MROH1: variants seen among roughly 807,000 people sequenced by gnomAD.
MROH1 encodes maestro heat-like repeat-containing protein family member 1.
A neutral mutation model predicts 116.5 loss-of-function variants in MROH1; 117 were observed. The ratio of observed to expected loss-of-function variants is 1.00; its 90% CI spans 0.86 to 1.17. MROH1 has a LOEUF of 1.17. Among genes scored for constraint, MROH1 ranks in the 50% most tolerant of loss-of-function variants. MROH1 has a pLI of 0.00. For missense variants in MROH1, 1,873 were observed against 1,338.5 expected, an observed-to-expected ratio of 1.40 and a Z score of -6.23; for synonymous variants, 921 against 583.9, an observed-to-expected ratio of 1.58 and a Z score of -8.32.
At chr8:144,184,908 G>T (rs1431660447) in intron 7 of MROH1, among the ~76,000 whole-genome samples, 2 of 152,232 alleles carry the variant, frequency 1.3e-5, no homozygotes, top group Non-Finnish European at 2.9e-5. Flanking sequence ...AGGGCAGAAG[G>T]ACGCTATGGG....
chr8:144,165,125 A>AT (rs367590354), intron 3 of MROH1, among the ~76,000 whole-genome samples: 58,569 of 145,710 alleles, frequency 0.4, 12,182 homozygotes, highest in South Asian at 0.55. Flanking sequence ...CACCCAGCTA[A>AT]TTTTTTTTTT....
chr8:144,231,566 GAC>G (rs1554822903), intron 14 of MROH1, among the ~76,000 whole-genome samples: 1 of 152,184 alleles, frequency 6.6e-6, no homozygotes, highest in African/African-American at 2.4e-5. Flanking sequence ...AGTGGGTCAG[GAC>G]ACCCAACATT....
intron 11 of MROH1, among the ~76,000 whole-genome samples, chr8:144,200,049 T>C (rs921288327): frequency 6.6e-6 from 1 of 152,168 alleles, no homozygotes; most frequent in Non-Finnish European, 1.5e-5. Flanking sequence ...TGGGGGTCTG[T>C]GTGCTTGACA....
chr8:144,148,580 C>G (rs930888721), intron 1 of MROH1: 2 of 152,706 alleles, frequency 1.3e-5, no homozygotes, highest in African/African-American at 4.8e-5. Context: ...CCCCGGGCCT[C>G]CGTATGCCTT....
chr8:144,176,994 C>T (rs1824155826), intron 4 of MROH1, among the ~76,000 whole-genome samples: 1 of 152,158 alleles, frequency 6.6e-6, no homozygotes, highest in East Asian at 1.9e-4. Context: ...GGCGCCAACA[C>T]TCACGGATGG....
rs1168480552 is a variant in MROH1 at position 144,260,707 on chromosome 8, C to G, written c.4411C>G (p.Arg1471Gly). ...EKMEFRTASIRLFGHLNKVCH... is the reference protein window; with the variant it reads ...EKMEFRTASIGLFGHLNKVCH... ...GATGGAGTTCCGGACGGCATCTATC[C>G]GCCTCTTTGGGCACCTTAACAAGGT... Residue 1471 changes from arginine (R) to glycine (G), a missense_variant, in exon 40 of 44, where the codon CGC becomes GGC. Physicochemically the swap from Arg to Gly is moderately radical, Grantham distance 125. Transcript: ENST00000326134. 1.3e-6 allele frequency: 1 copy of G among 779,592 alleles called. No homozygotes were observed. Among genetic ancestry groups the G allele is most frequent in the Admixed American group, 1.7e-5 (1 of 59,042 alleles). The allele number at this position is 779,592 out of a possible 1,614,324, so 48.3% of individuals were successfully genotyped here.
intron 27 of MROH1, 28 bp from the exon 28 acceptor site, chr8:144,244,416 G>A: frequency 1.4e-6 from 1 of 735,196 alleles, no homozygotes; most frequent in Non-Finnish European, 2.5e-6. Context: ...GTCACTGGTG[G>A]GGCTGGACGG....
intron 12 of MROH1, among the ~76,000 whole-genome samples, chr8:144,216,968 G>A (rs533336445): frequency 4.6e-4 from 70 of 152,288 alleles, no homozygotes; most frequent in African/African-American, 1.7e-3. Context: ...GATTACAGAT[G>A]TGAGCCATCG....
At chr8:144,254,758 G>A in intron 33 of MROH1, 55 bp from the exon 34 acceptor site, 2 of 730,494 alleles carry the variant, frequency 2.7e-6, no homozygotes, top group East Asian at 5.0e-5. Flanking sequence ...AGGTGGCGGG[G>A]GGCAGGCGCC....
intron 12 of MROH1, among the ~76,000 whole-genome samples, chr8:144,201,516 G>T (rs1267929827): frequency 2.0e-5 from 3 of 152,208 alleles, no homozygotes; most frequent in African/African-American, 7.2e-5. Context: ...GAGCTAGGGA[G>T]GTTGTTACAT....
intron 4 of MROH1, chr8:144,175,568 G>A (rs1052823441): frequency 2.3e-5 from 23 of 985,056 alleles, no homozygotes; most frequent in Non-Finnish European, 1.6e-5. Flanking sequence ...GTCCCAGGTG[G>A]GGATGGGCTT....
chr8:144,216,517 T>G (rs1835301247), intron 12 of MROH1, among the ~76,000 whole-genome samples: 1 of 151,964 alleles, frequency 6.6e-6, no homozygotes, highest in Non-Finnish European at 1.5e-5. Flanking sequence ...GTCTTTGCCA[T>G]CAGTACTCAA....
intron 35 of MROH1, among the ~76,000 whole-genome samples, chr8:144,256,505 G>GC (rs1299130414): frequency 1.6e-4 from 25 of 152,142 alleles, no homozygotes; most frequent in Non-Finnish European, 3.5e-4. Flanking sequence ...AGCTCGTAAA[G>GC]CCCAGTGGGG....
At chr8:144,258,191 G>C (rs1844270004) in intron 35 of MROH1, among the ~76,000 whole-genome samples, 1 of 152,206 alleles carries the variant, frequency 6.6e-6, no homozygotes, top group South Asian at 2.1e-4. Flanking sequence ...GCCTGGTGGA[G>C]GTCTGGGGAG....
intron 3 of MROH1, among the ~76,000 whole-genome samples, chr8:144,166,370 C>T (rs762779275): frequency 1.3e-5 from 2 of 152,168 alleles, no homozygotes; most frequent in African/African-American, 2.4e-5. Context: ...TCAGCCTGCT[C>T]GGAGCGGGAG....
rs1344055346 is a variant in MROH1, at chr8:144,180,147, T to TA, written c.301-31_301-30insA. 6.2e-7 allele frequency: 1 copy of TA among 1,612,520 alleles called. No individual in the cohort carries two copies. Among genetic ancestry groups the TA allele is most frequent in the Admixed American group, 1.7e-5 (1 of 59,934 alleles). On this transcript the variant is annotated intron_variant, in intron 5 of 43. Transcript: ENST00000326134. This position sits in a 1 kb window ranked among gnomAD's most constrained non-coding sequence, Gnocchi z 7.4. Reference sequence around the variant, plus strand: ...AGGGCAGAATGTCTTGGTCTTGCCTTTTGGTCTACCTGCCGGTGTTTTGGG... The same window carrying TA: ...AGGGCAGAATGTCTTGGTCTTGCCTTATTGGTCTACCTGCCGGTGTTTTGGG...
intron 10 of MROH1, chr8:144,192,692 G>C (rs756097186): frequency 1.7e-6 from 1 of 582,486 alleles, no homozygotes; most frequent in Non-Finnish European, 3.2e-6. Flanking sequence ...AGAAAGGTCA[G>C]CGCAGCTGAA....
intron 12 of MROH1, among the ~76,000 whole-genome samples, chr8:144,205,948 T>G (rs113965014): frequency 6.6e-6 from 1 of 152,336 alleles, no homozygotes; most frequent in Admixed American, 6.5e-5. Context: ...TTCACCCATA[T>G]GACTACCACT....
rs1354207573 is a variant in MROH1, at chr8:144,200,459, C to T, written c.1059C>T (p.Phe353=). The change falls in exon 12 of 44, where the codon TTC becomes TTT. Residue 353 remains phenylalanine (F), a synonymous_variant. Coordinates refer to ENST00000326134, the MANE Select transcript of MROH1 (RefSeq NM_032450.3). ...GCTCGCCTGACCGCCTACTGGCCTT[C>T]CTGCTGCCCAGGCTGGACACCAGCA... The part of the protein sequence containing the change: ...ACSSPDRLLA[F]LLPRLDTSNE... The T allele has an allele frequency of 6.4e-7, 1 of 1,551,250 alleles. No individual in the cohort carries two copies. Among genetic ancestry groups the T allele is most frequent in the South Asian group, 1.2e-5 (1 of 84,024 alleles).
Sources: gnomAD v4.1 joint callset for allele counts (sites outside exome capture counted in the v4.1 genomes callset) on GRCh38, gnomAD v4.1.1 for gene constraint, Gnocchi (gnomAD v3.1) non-coding constraint, MANE v1.5 for transcripts, NCBI Gene and HGNC (gene_info 2026-07-23, HGNC 2026-07-21) for gene names.